The following ZNG1A variants were observed in gnomAD, a reference collection of about 807,000 sequenced individuals.
ZNG1A encodes zinc-regulated GTPase metalloprotein activator 1A.
the ZNG1A span, among the ~76,000 whole-genome samples, chr9:125,560 A>T: frequency 6.8e-6 from 1 of 147,040 alleles, no homozygotes; most frequent in Admixed American, 6.8e-5. Context: ...AGTTTAATTA[A>T]GTCCCAGCTA....
chr9:161,442 T>C, the ZNG1A span: 4 of 491,108 alleles, frequency 8.1e-6, no homozygotes, highest in Non-Finnish European at 1.3e-5. Context: ...CACTCCAGCC[T>C]GGGCAACAGA....
the ZNG1A span, among the ~76,000 whole-genome samples, chr9:165,775 TAAAACAAAAAATA>T: frequency 1.6e-5 from 1 of 64,096 alleles, no homozygotes; most frequent in Non-Finnish European, 2.7e-5. Context: ...CAAAATCTAA[TAAAACAAAAAATA>T]AAAACAAAAA....
At chr9:141,585 T>A in the ZNG1A span, among the ~76,000 whole-genome samples, 9 of 151,398 alleles carry the variant, frequency 5.9e-5, no homozygotes, top group East Asian at 3.9e-4. Flanking sequence ...CGCTGCAGAA[T>A]CATGCCAAAA....
the ZNG1A span, among the ~76,000 whole-genome samples, chr9:131,911 C>T: frequency 7.1e-6 from 1 of 140,460 alleles, no homozygotes; most frequent in Non-Finnish European, 1.5e-5. Context: ...ATTCCAGTAC[C>T]AACTCTCCAC....
chr9:137,351 AC>A, the ZNG1A span, among the ~76,000 whole-genome samples: 1 of 142,878 alleles, frequency 7.0e-6, no homozygotes, highest in African/African-American at 2.6e-5. Context: ...ATAGACCCAG[AC>A]CCTGTCTCCA....
At chr9:156,963 T>C in the ZNG1A span, among the ~76,000 whole-genome samples, 2 of 148,152 alleles carry the variant, frequency 1.3e-5, no homozygotes, top group Admixed American at 1.3e-4. Flanking sequence ...GAATCTAATA[T>C]ACTTCCCTTC....
the ZNG1A span, among the ~76,000 whole-genome samples, chr9:157,300 C>T: frequency 0.019 from 2,607 of 138,520 alleles, 63 homozygotes; most frequent in African/African-American, 0.062. Context: ...TTTTTTTTTT[C>T]CCCCTCATAA....
chr9:140,284 C>A, the ZNG1A span, among the ~76,000 whole-genome samples: 3 of 151,886 alleles, frequency 2.0e-5, no homozygotes, highest in Non-Finnish European at 4.4e-5. Flanking sequence ...TTGAAGAGAG[C>A]AGTGGTTCTC....
At chr9:127,080 G>C in the ZNG1A span, among the ~76,000 whole-genome samples, 1 of 152,072 alleles carries the variant, frequency 6.6e-6, no homozygotes, top group Non-Finnish European at 1.5e-5. Context: ...AATTTATTGA[G>C]GCTCATTTTG....
the ZNG1A span, chr9:178,856 G>C: frequency 9.2e-5 from 106 of 1,149,372 alleles, 32 homozygotes; most frequent in South Asian, 8.2e-4. Context: ...TCTTGGCGCC[G>C]AGGCCAGACT....
chr9:172,245 A>T, the ZNG1A span: 48 of 1,581,606 alleles, frequency 3.0e-5, no homozygotes, highest in Non-Finnish European at 4.2e-5. Flanking sequence ...AACACTTTAA[A>T]ATATATTCAA....
At chr9:142,963 T>G in the ZNG1A span, among the ~76,000 whole-genome samples, 7 of 139,450 alleles carry the variant, frequency 5.0e-5, no homozygotes, top group Admixed American at 5.1e-4. Context: ...ATAAATTCCT[T>G]GACACATACA....
the ZNG1A span, among the ~76,000 whole-genome samples, chr9:127,789 C>T: frequency 9.6e-4 from 118 of 122,380 alleles, no homozygotes; most frequent in African/African-American, 3.1e-3. Flanking sequence ...TTGTTTTATA[C>T]GTCCTGTGAT....
chr9:155,638 A>G, the ZNG1A span, among the ~76,000 whole-genome samples: 102 of 152,296 alleles, frequency 6.7e-4, no homozygotes, highest in Middle Eastern at 3.4e-3. Flanking sequence ...TCAGGGTCTT[A>G]TGCTTTATCT....
At chr9:175,368 C>A in the ZNG1A span, among the ~76,000 whole-genome samples, 93 of 151,092 alleles carry the variant, frequency 6.2e-4, no homozygotes, top group African/African-American at 2.2e-3. Context: ...CAGAGAGAGA[C>A]TCCATCTCAA....
the ZNG1A span, chr9:172,294 T>C: frequency 7.8e-7 from 1 of 1,283,716 alleles, no homozygotes; most frequent in East Asian, 2.4e-5. Context: ...TGTGAAAATT[T>C]AACTCACTTC....
the ZNG1A span, among the ~76,000 whole-genome samples, chr9:140,079 C>G: frequency 6.6e-6 from 1 of 150,744 alleles, no homozygotes; most frequent in Non-Finnish European, 1.5e-5. Context: ...GGCAGCGAGG[C>G]TCGGGGAGGG....
At chr9:159,484 T>C in the ZNG1A span, among the ~76,000 whole-genome samples, 24 of 152,326 alleles carry the variant, frequency 1.6e-4, no homozygotes, top group East Asian at 4.5e-3. Context: ...ATAGGTTAAC[T>C]AGCTCGATTG....
chr9:142,973 A>C, the ZNG1A span, among the ~76,000 whole-genome samples: 1 of 141,182 alleles, frequency 7.1e-6, no homozygotes, highest in Non-Finnish European at 1.5e-5. Context: ...TGACACATAC[A>C]CCCTCCAAAG....
Sources: gnomAD v4.1 joint callset for allele counts (sites outside exome capture counted in the v4.1 genomes callset) on GRCh38, gnomAD v4.1.1 for gene constraint, MANE v1.5 for transcripts, NCBI Gene and HGNC (gene_info 2026-07-23, HGNC 2026-07-21) for gene names.